APLF: variants seen among roughly 807,000 people sequenced by gnomAD.
APLF encodes aprataxin and PNKP like factor.
APLF carries 61 observed loss-of-function variants against 55.6 expected under a neutral mutation model. That is an observed-to-expected ratio of 1.10 (90% confidence interval 0.89 to 1.36). The LOEUF (loss-of-function observed/expected upper bound fraction) is 1.36, where lower values mean the gene tolerates loss of function less well. Among genes scored for constraint, APLF ranks in the 40% most tolerant of loss-of-function variants. The pLI is 0.00. For missense variants in APLF, 611 were observed against 602.5 expected, an observed-to-expected ratio of 1.01 and a Z score of -0.15; for synonymous variants, 207 against 214.8, an observed-to-expected ratio of 0.96 and a Z score of 0.32.
At chr2:68,509,453 A>G (rs1197241930) in intron 3 of APLF, among the ~76,000 whole-genome samples, 1 of 152,184 alleles carries the variant, frequency 6.6e-6, no homozygotes, top group African/African-American at 2.4e-5. Context: ...TGCAGCCAAC[A>G]GACACATGAA....
chr2:68,531,110 CTT>C (rs1670242037), intron 6 of APLF, among the ~76,000 whole-genome samples: 1 of 152,204 alleles, frequency 6.6e-6, no homozygotes, highest in Admixed American at 6.5e-5. Flanking sequence ...CTTCTTTCCT[CTT>C]TCAATTTTTG....
At chr2:68,505,514 C>G (rs1274562492) in intron 3 of APLF, among the ~76,000 whole-genome samples, 3 of 151,954 alleles carry the variant, frequency 2.0e-5, no homozygotes, top group Admixed American at 6.6e-5. Flanking sequence ...TGAAAATAAA[C>G]CCACTTTCAC....
At chr2:68,491,170 TTA>T (rs1676348944) in intron 2 of APLF, among the ~76,000 whole-genome samples, 1 of 152,232 alleles carries the variant, frequency 6.6e-6, no homozygotes, top group Non-Finnish European at 1.5e-5. Flanking sequence ...TTAAAAGAGT[TTA>T]TGTCTCATCT....
In APLF at chr2:68,558,449, G is replaced by A. The variant is rs1671074866; in HGVS notation, c.1287-8892G>A. ...TTGAAACCTAGATTTTTGATAATGTGGGATTTATGGTTTTGCTTCAGGTTT... is the reference window on the plus strand; with the variant it reads ...TTGAAACCTAGATTTTTGATAATGTAGGATTTATGGTTTTGCTTCAGGTTT... On this transcript the variant is annotated intron_variant, in intron 8 of 9. Coordinates refer to ENST00000303795, the MANE Select transcript of APLF (RefSeq NM_173545.3). Among the ~76,000 whole-genome samples the A allele has an allele frequency of 2.6e-5, 4 of 151,966 alleles. 1 individual carries two copies. The South Asian group carries it at 8.3e-4, about 32-fold the overall frequency.
chr2:68,524,807 TAA>T (rs1255025352), intron 5 of APLF, among the ~76,000 whole-genome samples: 1 of 152,230 alleles, frequency 6.6e-6, no homozygotes, highest in Non-Finnish European at 1.5e-5. Context: ...ACAAGGCATG[TAA>T]AGTTTCTGCC....
intron 1 of APLF, among the ~76,000 whole-genome samples, chr2:68,470,733 T>C (rs1053771439): frequency 3.3e-5 from 5 of 152,170 alleles, no homozygotes; most frequent in African/African-American, 1.2e-4. Flanking sequence ...ATTTTCCTCC[T>C]AGGAAACAAG....
intron 5 of APLF, among the ~76,000 whole-genome samples, chr2:68,517,405 ATATC>A (rs1265589711): frequency 1.6e-5 from 2 of 127,022 alleles, no homozygotes; most frequent in Non-Finnish European, 3.1e-5. Context: ...ATATATTAAT[ATATC>A]TATATATTAC....
intron 5 of APLF, among the ~76,000 whole-genome samples, chr2:68,524,373 C>T (rs947034138): frequency 2.0e-5 from 3 of 152,160 alleles, no homozygotes; most frequent in African/African-American, 4.8e-5. Context: ...AATGTTATTT[C>T]AGGCTACTTG....
At chr2:68,563,448 G>C (rs1325248994) in intron 8 of APLF, 1 of 787,134 alleles carries the variant, frequency 1.3e-6, no homozygotes, top group Admixed American at 6.3e-5. Context: ...GAGTGCAACT[G>C]GGAATGTTTT....
intron 1 of APLF, among the ~76,000 whole-genome samples, chr2:68,489,429 G>A (rs1182352779): frequency 6.6e-6 from 1 of 152,156 alleles, no homozygotes; most frequent in African/African-American, 2.4e-5. Context: ...AAATAAAAAA[G>A]GCAATCTTAA....
rs1224837801 is a variant in APLF at position 68,557,328 on chromosome 2, G to T, written c.1287-10013G>T. Among the ~76,000 whole-genome samples the T allele has an allele frequency of 2.0e-5, 3 of 152,156 alleles. No homozygotes were observed. The East Asian group carries it at 5.8e-4, about 29-fold the overall frequency. The stretch of plus-strand genomic sequence containing the variant: ...CAAAAGTCTGTACATGTTCAGTAAG[G>T]ATGCAATCATTGTAGACCTAACTAC... On this transcript the variant is annotated intron_variant, in intron 8 of 9. Coordinates refer to ENST00000303795, the MANE Select transcript of APLF (RefSeq NM_173545.3).
At chr2:68,556,032 A>C (rs111972543) in intron 8 of APLF, among the ~76,000 whole-genome samples, 3,857 of 152,312 alleles carry the variant, frequency 0.025, 62 homozygotes, top group South Asian at 0.042. Flanking sequence ...GAAGGAATGA[A>C]TTAATGGCAC....
chr2:68,564,300 A>G (rs1671240429), intron 8 of APLF, among the ~76,000 whole-genome samples: 1 of 152,050 alleles, frequency 6.6e-6, no homozygotes, highest in African/African-American at 2.4e-5. Context: ...CAAAAGGTCA[A>G]ATTTGGGTTA....
chr2:68,568,443 A>C (rs1671366240), intron 9 of APLF: 1 of 371,402 alleles, frequency 2.7e-6, no homozygotes. Context: ...CTCCAGACAT[A>C]AAAATATTCC....
At chr2:68,522,130 G>A (rs1573216040) in intron 5 of APLF, among the ~76,000 whole-genome samples, 2 of 151,604 alleles carry the variant, frequency 1.3e-5, no homozygotes, top group East Asian at 3.9e-4. Flanking sequence ...GTTAAAATTG[G>A]TCTGTTCTTA....
intron 5 of APLF, among the ~76,000 whole-genome samples, chr2:68,522,483 T>G (rs560223973): frequency 2.0e-5 from 3 of 152,020 alleles, no homozygotes; most frequent in Admixed American, 6.6e-5. Context: ...TTAGTCCGTA[T>G]TTTTCTTTAT....
In APLF at chr2:68,543,158, A is replaced by T. The variant is rs561078626; in HGVS notation, c.1161-2029A>T. Among the ~76,000 whole-genome samples the T allele has an allele frequency of 1.3e-4, 20 of 152,226 alleles. No individual in the cohort carries two copies. The East Asian group carries it at 3.7e-3, about 28-fold the overall frequency. On this transcript the variant is annotated intron_variant, in intron 7 of 9. Coordinates refer to ENST00000303795, the MANE Select transcript of APLF (RefSeq NM_173545.3). ...GCCTGTGGGGAAAAACAGAAATCAG[A>T]ATGGTGGATTCCGGGGAGGACAGGA... is the stretch of plus-strand genomic sequence containing the variant.
intron 5 of APLF, among the ~76,000 whole-genome samples, chr2:68,518,166 G>A (rs1418296236): frequency 2.5e-5 from 3 of 121,344 alleles, no homozygotes; most frequent in African/African-American, 6.3e-5. Context: ...ATGTATAATA[G>A]TAATATAATA....
In APLF at chr2:68,579,860, G is replaced by A. The variant is rs572196970; in HGVS notation, c.*1838G>A. On this transcript the variant is annotated 3_prime_UTR_variant, in exon 10 of 10. Coordinates refer to ENST00000303795, the MANE Select transcript of APLF (RefSeq NM_173545.3). ...TGATAAAAATGTTCTAAGATTAGAT[G>A]GCAGTGATGGTTGCACAACTCTGTA... 1 of 248,834 alleles carries A rather than the reference G, an allele frequency of 4.0e-6. No individual in the cohort carries two copies. The highest frequency in any genetic ancestry group is 1.8e-4 in the East Asian group (1 of 5,548). The allele number at this position is 248,834 out of a possible 1,614,324, so 15.4% of individuals were successfully genotyped here.
Sources: gnomAD v4.1 joint callset for allele counts (sites outside exome capture counted in the v4.1 genomes callset) on GRCh38, gnomAD v4.1.1 for gene constraint, MANE v1.5 for transcripts, NCBI Gene and HGNC (gene_info 2026-07-23, HGNC 2026-07-21) for gene names.